Variants in MLPH observed in about 807,000 individuals in gnomAD.
MLPH encodes the protein exophilin-3.
In MLPH, 51 loss-of-function variants were observed where a neutral mutation model predicts 72.1. The ratio of observed to expected loss-of-function variants is 0.71; its 90% confidence interval spans 0.56 to 0.89. The LOEUF (loss-of-function observed/expected upper bound fraction) is 0.89. Ranked by LOEUF, MLPH falls within the 40% of genes least tolerant of loss-of-function variation. The pLI is 0.00. For missense variants in MLPH, 743 were observed against 759.9 expected, an observed-to-expected ratio of 0.98 and a Z score of 0.26; for synonymous variants, 301 against 310.1, an observed-to-expected ratio of 0.97 and a Z score of 0.31.
At chr2:237,537,622 A>C (rs2080563985) in intron 9 of MLPH, 1 of 152,228 alleles carries the variant, frequency 6.6e-6, no homozygotes, top group African/African-American at 2.4e-5. Context: ...GACTCAATCT[A>C]ATCATCCCCT....
At chr2:237,524,743 A>C (rs1189131863) in intron 6 of MLPH, among the ~76,000 whole-genome samples, 1 of 151,938 alleles carries the variant, frequency 6.6e-6, no homozygotes, top group Admixed American at 6.5e-5. Context: ...GCAGGCAGTG[A>C]AGGTAACTAT....
chr2:237,529,032 T>A (rs566246539), intron 8 of MLPH, among the ~76,000 whole-genome samples: 1 of 152,282 alleles, frequency 6.6e-6, no homozygotes, highest in East Asian at 1.9e-4. Context: ...TGTGAAACGC[T>A]TAGCAGGCTG....
At position 237,540,435 on chromosome 2, in the gene MLPH, G is replaced by C. The variant is rs1559370051; in HGVS notation, c.1192G>C (p.Asp398His). The C allele has an allele frequency of 6.2e-7, 1 of 1,612,868 alleles. No individual in the cohort carries two copies. Among genetic ancestry groups the C allele is most frequent in the African/African-American group, 1.3e-5 (1 of 74,988 alleles). ...KLEELTSNVS[D>H]QETSSEEEEA... ...GGAGGAGCTGACCAGCAACGTCAGT[G>C]ACCAGGAGACCTCGTCCGAGGAGGA... Residue 398 changes from aspartate to histidine, a missense_variant, in exon 10 of 16, where the codon GAC becomes CAC. Coordinates refer to ENST00000264605, the MANE Select transcript of MLPH (RefSeq NM_024101.7).
intron 13 of MLPH, among the ~76,000 whole-genome samples, chr2:237,548,171 C>T (rs1294411457): frequency 2.6e-5 from 4 of 152,302 alleles, no homozygotes; most frequent in East Asian, 3.9e-4. Context: ...GAAGTGACAG[C>T]GGGGTCTCAG....
chr2:237,494,712 G>C (rs950749247), intron 2 of MLPH, among the ~76,000 whole-genome samples: 25 of 152,286 alleles, frequency 1.6e-4, no homozygotes, highest in Non-Finnish European at 1.3e-4. Flanking sequence ...AGAGGTTTGG[G>C]GGAAATGTTT....
intron 8 of MLPH, among the ~76,000 whole-genome samples, chr2:237,530,206 G>A (rs1246849099): frequency 1.4e-5 from 2 of 144,334 alleles, no homozygotes; most frequent in Non-Finnish European, 1.5e-5. Flanking sequence ...ACTGGCTCAC[G>A]AGTGGGCAAC....
In MLPH at chr2:237,510,514, TA is replaced by T. The variant is rs754669152; in HGVS notation, c.111-57del. On this transcript the variant is annotated intron_variant, in intron 2 of 15. Coordinates refer to ENST00000264605, the MANE Select transcript of MLPH (RefSeq NM_024101.7). The surrounding 1 kb of genome is among the most constrained non-coding windows in gnomAD (Gnocchi z 4.4). ...GTGTGTGTATGTACGTGTACACACT[TA>T]AAGCCTGTTGCAAAAACAAGATGCC... The T allele has an allele frequency of 1.2e-5, 18 of 1,494,066 alleles. No homozygotes were observed. The highest frequency in any genetic ancestry group is 1.7e-5 in the Non-Finnish European group (18 of 1,080,286). The allele number at this position is 1,494,066 out of a possible 1,614,324, so 92.6% of individuals were successfully genotyped here.
chr2:237,526,610 C>T (rs1011191157), intron 7 of MLPH, among the ~76,000 whole-genome samples: 1 of 152,128 alleles, frequency 6.6e-6, no homozygotes, highest in Non-Finnish European at 1.5e-5. Flanking sequence ...ATCTCAAGTC[C>T]CCTGAGCACG....
At chr2:237,550,705 A>G (rs1479742879) in intron 14 of MLPH, among the ~76,000 whole-genome samples, 3 of 152,092 alleles carry the variant, frequency 2.0e-5, no homozygotes, top group African/African-American at 7.2e-5. Context: ...GCCTGCCACC[A>G]TGCTAGGCTA....
intron 2 of MLPH, among the ~76,000 whole-genome samples, chr2:237,502,803 A>G (rs1226034982): frequency 6.6e-6 from 1 of 152,200 alleles, no homozygotes; most frequent in South Asian, 2.1e-4. Flanking sequence ...AGACACGGGC[A>G]AACCGTGGCT....
chr2:237,502,885 G>A (rs941517324), intron 2 of MLPH, among the ~76,000 whole-genome samples: 1 of 152,082 alleles, frequency 6.6e-6, no homozygotes, highest in African/African-American at 2.4e-5. Context: ...TTGGGAGGCC[G>A]AGGCAGGTGG....
At chr2:237,497,837 G>A (rs2079566696) in intron 2 of MLPH, among the ~76,000 whole-genome samples, 1 of 152,144 alleles carries the variant, frequency 6.6e-6, no homozygotes, top group African/African-American at 2.4e-5. Flanking sequence ...GACATCCTCG[G>A]GGTCCTCATG....
intron 8 of MLPH, among the ~76,000 whole-genome samples, chr2:237,529,667 TG>T (rs1402406473): frequency 2.0e-5 from 3 of 152,126 alleles, no homozygotes; most frequent in Non-Finnish European, 2.9e-5. Context: ...AATCACAGGA[TG>T]GGGGACTGTT....
chr2:237,490,331 A>C (rs1010712190), intron 1 of MLPH, among the ~76,000 whole-genome samples: 31 of 152,212 alleles, frequency 2.0e-4, no homozygotes, highest in East Asian at 7.7e-4. Flanking sequence ...CTCATCTAAA[A>C]AAAAAAAAGA....
intron 8 of MLPH, among the ~76,000 whole-genome samples, chr2:237,532,330 G>A (rs75705640): frequency 9.2e-5 from 14 of 152,208 alleles, no homozygotes; most frequent in East Asian, 5.8e-4. Context: ...CTTTCCCGAC[G>A]AGGGGTAAAG....
chr2:237,498,073 G>A (rs747948612), intron 2 of MLPH, among the ~76,000 whole-genome samples: 1 of 152,144 alleles, frequency 6.6e-6, no homozygotes, highest in Admixed American at 6.5e-5. Context: ...GAACAGGGGT[G>A]GGGGAATTGT....
intron 2 of MLPH, among the ~76,000 whole-genome samples, chr2:237,498,672 TC>T (rs2079585685): frequency 6.6e-6 from 1 of 152,156 alleles, no homozygotes; most frequent in Non-Finnish European, 1.5e-5. Context: ...AGCCAGCACG[TC>T]TTGATCTAGC....
intron 13 of MLPH, among the ~76,000 whole-genome samples, chr2:237,548,911 TCA>T (rs2080976650): frequency 6.6e-6 from 1 of 152,108 alleles, no homozygotes; most frequent in Admixed American, 6.6e-5. Context: ...ATTGTCCATG[TCA>T]CACAGTGGTA....
chr2:237,540,615 C>T (rs1453412315), intron 10 of MLPH, 82 bp downstream of exon 10: 17 of 1,527,076 alleles, frequency 1.1e-5, no homozygotes, highest in Non-Finnish European at 1.5e-5. Context: ...CAGCCACCCT[C>T]CCCAGGGAGG....
Sources: gnomAD v4.1 joint callset for allele counts (sites outside exome capture counted in the v4.1 genomes callset) on GRCh38, gnomAD v4.1.1 for gene constraint, Gnocchi (gnomAD v3.1) non-coding constraint, MANE v1.5 for transcripts, NCBI Gene and HGNC (gene_info 2026-07-23, HGNC 2026-07-21) for gene names.